Variants in PRKCH observed in about 807,000 individuals in gnomAD.
PRKCH encodes the protein protein kinase C eta type.
In PRKCH, 28 loss-of-function variants were observed where a neutral mutation model predicts 82.5. That is an observed-to-expected ratio of 0.34 (90% CI 0.25 to 0.47). PRKCH has a LOEUF of 0.47. Among genes scored for constraint, PRKCH ranks in the 20% least tolerant of loss-of-function variants. PRKCH has a pLI of 1.00. For synonymous variants in PRKCH, 322 were observed against 327.4 expected (o/e 0.98, Z 0.18); for missense variants, 705 against 881.8 (o/e 0.80, Z 2.54).
chr14:61,287,439 G>A (rs751924557), intron 1 of PRKCH, among the ~76,000 whole-genome samples: 4 of 151,666 alleles, frequency 2.6e-5, no homozygotes, highest in Non-Finnish European at 4.4e-5. Flanking sequence ...GGCCACGCCC[G>A]GTAGCTCACG....
At chr14:61,364,137 T>G (rs2046268426) in intron 1 of PRKCH, among the ~76,000 whole-genome samples, 1 of 151,148 alleles carries the variant, frequency 6.6e-6, no homozygotes, top group Non-Finnish European at 1.5e-5. Flanking sequence ...CCTCCCAAAG[T>G]GCTGGGATTA....
chr14:61,414,726 G>C (rs976490419), intron 2 of PRKCH, among the ~76,000 whole-genome samples: 1 of 151,812 alleles, frequency 6.6e-6, no homozygotes, highest in African/African-American at 2.4e-5. Flanking sequence ...TGATCCGCCT[G>C]CCTCAGCCTC....
chr14:61,472,084 C>T (rs562018516), intron 9 of PRKCH, among the ~76,000 whole-genome samples: 68 of 152,170 alleles, frequency 4.5e-4, no homozygotes, highest in African/African-American at 1.6e-3. Flanking sequence ...CCCCTGAGCT[C>T]GGGGGAGACA....
At chr14:61,529,234 C>A (rs1010993149) in intron 11 of PRKCH, 21 bp downstream of exon 11, 2 of 1,593,406 alleles carry the variant, frequency 1.3e-6, no homozygotes, top group Admixed American at 1.7e-5. Flanking sequence ...CTGCTTGATG[C>A]AGCTCTGAAA....
At chr14:61,269,298 A>G (rs2045131058) in intron 1 of PRKCH, among the ~76,000 whole-genome samples, 1 of 152,224 alleles carries the variant, frequency 6.6e-6, no homozygotes, top group Admixed American at 6.5e-5. Flanking sequence ...GAAAGTCACA[A>G]AATTGTCATA....
chr14:61,383,722 C>T (rs2046546169), intron 1 of PRKCH, among the ~76,000 whole-genome samples: 1 of 151,834 alleles, frequency 6.6e-6, no homozygotes, highest in African/African-American at 2.4e-5. Context: ...TGAAGAGAGA[C>T]AGGTTTTCCA....
intron 1 of PRKCH, among the ~76,000 whole-genome samples, chr14:61,233,768 G>A (rs1231659019): frequency 6.6e-6 from 1 of 152,148 alleles, no homozygotes; most frequent in Admixed American, 6.5e-5. Context: ...GCCATGTAAA[G>A]TTTCACCATG....
intron 1 of PRKCH, among the ~76,000 whole-genome samples, chr14:61,284,850 A>G (rs1241790045): frequency 6.6e-6 from 1 of 152,196 alleles, no homozygotes; most frequent in Non-Finnish European, 1.5e-5. Context: ...GACTTTATCC[A>G]TGTAAATATT....
intron 1 of PRKCH, among the ~76,000 whole-genome samples, chr14:61,262,880 A>C (rs1264683298): frequency 6.6e-6 from 1 of 152,164 alleles, no homozygotes; most frequent in Non-Finnish European, 1.5e-5. Context: ...CATTTACCTA[A>C]GATTTTCTCG....
intron 1 of PRKCH, among the ~76,000 whole-genome samples, chr14:61,286,599 A>G (rs891782008): frequency 6.6e-6 from 1 of 151,836 alleles, no homozygotes; most frequent in African/African-American, 2.4e-5. Context: ...CAACATGGAG[A>G]AACTCCGTCT....
intron 12 of PRKCH, among the ~76,000 whole-genome samples, chr14:61,541,530 ACTCT>A (rs1189124473): frequency 1.3e-5 from 2 of 152,106 alleles, no homozygotes; most frequent in Non-Finnish European, 2.9e-5. Flanking sequence ...TTAGCTGCTA[ACTCT>A]CTCTCTGCCC....
chr14:61,428,076 TAC>T (rs1555386066), intron 2 of PRKCH, among the ~76,000 whole-genome samples: 40 of 126,204 alleles, frequency 3.2e-4, no homozygotes, highest in African/African-American at 4.6e-4. Flanking sequence ...GATAGATAGA[TAC>T]ACACACACAC....
chr14:61,530,395 C>G lies in PRKCH; in HGVS notation c.1573-12C>G, dbSNP rs1015481055. 2 of 1,530,492 alleles carry G rather than the reference C, an allele frequency of 1.3e-6. No homozygotes were observed. Among genetic ancestry groups the G allele is most frequent in the Non-Finnish European group, 1.8e-6 (2 of 1,132,902 alleles). 94.8% of individuals were successfully genotyped at this position (1,530,492 alleles called of 1,614,324 possible). On this transcript the variant is annotated splice_polypyrimidine_tract_variant and intron_variant, in intron 11 of 13. Coordinates refer to ENST00000332981, the MANE Select transcript of PRKCH (RefSeq NM_006255.5). ...GTATGAACCACCTTCTCACGCTGCC[C>G]CCTTTGCACAGATCCTCCAGGAAAT...
chr14:61,188,477 C>T (rs1006628364), intron 1 of PRKCH, among the ~76,000 whole-genome samples: 2 of 72,686 alleles, frequency 2.8e-5, no homozygotes, highest in African/African-American at 5.7e-5. Context: ...GGGCAGGCGG[C>T]CTTGTGGCTC....
At chr14:61,519,873 T>TAA (rs35383143) in intron 10 of PRKCH, among the ~76,000 whole-genome samples, 1 of 143,216 alleles carries the variant, frequency 7.0e-6, no homozygotes, top group African/African-American at 2.5e-5. Flanking sequence ...ATTTCTGTGG[T>TAA]AAAAAAAAAA....
At chr14:61,229,780 G>A (rs1197820890) in intron 1 of PRKCH, among the ~76,000 whole-genome samples, 1 of 152,040 alleles carries the variant, frequency 6.6e-6, no homozygotes, top group Admixed American at 6.5e-5. Context: ...GATAGAAATG[G>A]GCTCTATTCC....
At chr14:61,477,243 T>C (rs897440933) in intron 9 of PRKCH, 5 of 152,222 alleles carry the variant, frequency 3.3e-5, no homozygotes, top group Non-Finnish European at 5.9e-5. Flanking sequence ...TCTTAGAACT[T>C]GGGTAAGTAA....
intron 1 of PRKCH, among the ~76,000 whole-genome samples, chr14:61,367,217 G>A (rs1349008919): frequency 3.9e-5 from 6 of 152,014 alleles, no homozygotes. Flanking sequence ...CAGAGAAAGG[G>A]TAGAGTCAGC....
chr14:61,245,704 A>G (rs1400421214), intron 1 of PRKCH, among the ~76,000 whole-genome samples: 1 of 152,020 alleles, frequency 6.6e-6, no homozygotes, highest in Non-Finnish European at 1.5e-5. Context: ...AGAAGGACAG[A>G]GAGCCCATCT....
Sources: allele counts gnomAD v4.1 joint callset (sites outside exome capture counted in the v4.1 genomes callset), GRCh38; gene constraint gnomAD v4.1.1; transcripts MANE v1.5; gene names NCBI Gene and HGNC (gene_info 2026-07-23, HGNC 2026-07-21).